TNIP3: variants seen among roughly 807,000 people sequenced by gnomAD.
The protein encoded by TNIP3 is TNFAIP3-interacting protein 3.
A neutral mutation model predicts 54.1 loss-of-function variants in TNIP3; 34 were observed. That is an observed-to-expected ratio of 0.63 (90% CI 0.48 to 0.84). TNIP3 has a LOEUF of 0.84. Ranked by LOEUF, TNIP3 falls within the 40% of genes least tolerant of loss-of-function variation. The pLI is 0.00. For synonymous variants in TNIP3, 134 were observed against 136.8 expected (o/e 0.98, Z 0.14); for missense variants, 366 against 387.6 (o/e 0.94, Z 0.47).
rs372175748 is a variant in TNIP3, at chr4:121,163,429, A to T, written c.66+631T>A. On this transcript the variant is annotated intron_variant, in intron 1 of 10. Coordinates refer to ENST00000057513, the MANE Select transcript of TNIP3 (RefSeq NM_024873.6). The stretch of plus-strand genomic sequence containing the variant: ...TGATTCTAGCAAGGGCTGCTTACGG[A>T]ACAGTTATTCCCTATACATAATTTC... 1.2e-4 allele frequency among the ~76,000 whole-genome samples: 18 copies of T among 152,316 alleles called. No homozygotes were observed. The East Asian group carries it at 3.1e-3, about 26-fold the overall frequency.
chr4:121,221,422 C>A (rs1311075152), upstream of TNIP3, among the ~76,000 whole-genome samples: 1 of 152,126 alleles, frequency 6.6e-6, no homozygotes, highest in Non-Finnish European at 1.5e-5. Context: ...CCTAAATTTA[C>A]AAGCACAAAG....
chr4:121,206,376 C>A (rs989541693), intron 2 of TNIP3, among the ~76,000 whole-genome samples: 1 of 152,046 alleles, frequency 6.6e-6, no homozygotes, highest in African/African-American at 2.4e-5. Flanking sequence ...GCTGTTATTC[C>A]CTGATCCTCG....
chr4:121,169,902 T>C (rs1310043097), intron 3 of TNIP3, among the ~76,000 whole-genome samples: 1 of 152,250 alleles, frequency 6.6e-6, no homozygotes, highest in African/African-American at 2.4e-5. Context: ...GTCTTGATTA[T>C]ATACTTTTAG....
chr4:121,216,812 C>T (rs965936652), upstream of TNIP3, among the ~76,000 whole-genome samples: 23 of 152,124 alleles, frequency 1.5e-4, no homozygotes, highest in South Asian at 2.1e-4. Context: ...ATACATAGAG[C>T]ATGAACGGTT....
chr4:121,217,794 T>C (rs1050222800), upstream of TNIP3, among the ~76,000 whole-genome samples: 1 of 152,226 alleles, frequency 6.6e-6, no homozygotes, highest in Non-Finnish European at 1.5e-5. Context: ...TTTTAAAATG[T>C]CTTATATTCT....
chr4:121,154,392 C>T lies in TNIP3; in HGVS notation c.492+159G>A, dbSNP rs575632584. The T allele has an allele frequency of 2.5e-5, 23 of 923,372 alleles. No individual in the cohort carries two copies. In the African/African-American group the frequency reaches 3.7e-4, roughly 15 times the overall value. 57.2% of individuals were successfully genotyped at this position (923,372 alleles called of 1,614,324 possible). A position where few individuals can be genotyped will look rare whatever the true frequency, so the allele number is the denominator to read the frequency against. ...CTCCTTAGCCAAGTATGACTGAAAGCTGCAGCTAGGAGTGATTTATAAAAT... is the reference window on the plus strand; with the variant it reads ...CTCCTTAGCCAAGTATGACTGAAAGTTGCAGCTAGGAGTGATTTATAAAAT... On this transcript the variant is annotated intron_variant, in intron 5 of 10. Coordinates refer to ENST00000057513, the MANE Select transcript of TNIP3 (RefSeq NM_024873.6).
chr4:121,160,572 GTTCTAACA>G (rs1367301563), intron 2 of TNIP3, among the ~76,000 whole-genome samples: 1 of 152,050 alleles, frequency 6.6e-6, no homozygotes, highest in Non-Finnish European at 1.5e-5. Context: ...GAGTAAAGAG[GTTCTAACA>G]TTCATTAAGC....
In TNIP3 at chr4:121,161,176, A is replaced by G. The variant is rs764141861; in HGVS notation, c.107T>C (p.Leu36Pro). 1.3e-6 allele frequency: 2 copies of G among 1,588,508 alleles called. No homozygotes were observed. The highest frequency in any genetic ancestry group is 1.7e-4 in the Middle Eastern group (1 of 6,028). The change falls in exon 2 of 11, where the codon CTT becomes CCT. Residue 36 changes from leucine (L) to proline (P), a missense_variant. Leu to Pro is a moderately conservative substitution (Grantham distance 98). Coordinates refer to ENST00000057513, the MANE Select transcript of TNIP3 (RefSeq NM_024873.6). Reference sequence around the variant, plus strand: ...TTCCAAACACCTTATCTTTTGTTCAAGAGAATTCATCAAGTTCTTTCTTGT... The same window carrying G: ...TTCCAAACACCTTATCTTTTGTTCAGGAGAATTCATCAAGTTCTTTCTTGT... ...PSTRKNLMNS[L>P]EQKIRCLEKQ...
intron 1 of TNIP3, among the ~76,000 whole-genome samples, chr4:121,224,046 T>C (rs1227898205): frequency 6.6e-6 from 1 of 152,140 alleles, no homozygotes; most frequent in Non-Finnish European, 1.5e-5. Flanking sequence ...TAATGAATAA[T>C]AATGAATGAT....
At chr4:121,143,772 G>A (rs192229335) in intron 7 of TNIP3, among the ~76,000 whole-genome samples, 91 of 152,238 alleles carry the variant, frequency 6.0e-4, no homozygotes, top group African/African-American at 2.0e-3. Flanking sequence ...AATATGTATT[G>A]TTGATTAACT....
At chr4:121,178,840 A>G (rs945432132) in intron 3 of TNIP3, among the ~76,000 whole-genome samples, 1 of 152,170 alleles carries the variant, frequency 6.6e-6, no homozygotes, top group African/African-American at 2.4e-5. Context: ...TTATACCTTC[A>G]TGGAACACTT....
intron 2 of TNIP3, among the ~76,000 whole-genome samples, chr4:121,200,606 A>G (rs1410433343): frequency 2.0e-5 from 3 of 150,808 alleles, no homozygotes; most frequent in Non-Finnish European, 1.5e-5. Context: ...GTCTTTTCCT[A>G]TGATAGAACA....
chr4:121,216,565 G>C lies in TNIP3; in HGVS notation c.-19+21C>G. 2.0e-6 allele frequency: 3 copies of C among 1,522,232 alleles called. No homozygotes were observed. In the Middle Eastern group the frequency reaches 5.1e-4, roughly 259 times the overall value. 94.3% of individuals were successfully genotyped at this position (1,522,232 alleles called of 1,614,324 possible). ...ACGTCAAGGGAAGTTAACTATGTCAGTCACCAAAGGAGAAAACCACCTGTT... is the reference window on the plus strand; with the variant it reads ...ACGTCAAGGGAAGTTAACTATGTCACTCACCAAAGGAGAAAACCACCTGTT... On this transcript the variant is annotated intron_variant, in intron 1 of 12. Transcript: ENST00000507879.
intron 2 of TNIP3, among the ~76,000 whole-genome samples, chr4:121,204,849 A>G (rs193249216): frequency 6.6e-6 from 1 of 152,308 alleles, no homozygotes; most frequent in East Asian, 1.9e-4. Flanking sequence ...TTATTTTCCT[A>G]CAACTGAAGT....
At chr4:121,176,345 A>T (rs1724333374) in intron 3 of TNIP3, among the ~76,000 whole-genome samples, 1 of 152,156 alleles carries the variant, frequency 6.6e-6, no homozygotes, top group Non-Finnish European at 1.5e-5. Context: ...AGCTAAACAG[A>T]TCCTCACACA....
At chr4:121,186,716 A>C (rs17051311) in intron 2 of TNIP3, among the ~76,000 whole-genome samples, 3,825 of 152,294 alleles carry the variant, frequency 0.025, 160 homozygotes, top group African/African-American at 0.086. Context: ...GGTGTGGAAT[A>C]GTTACCAAAC....
chr4:121,167,395 G>A (rs1239002027), upstream of TNIP3, among the ~76,000 whole-genome samples: 1 of 152,142 alleles, frequency 6.6e-6, no homozygotes, highest in Non-Finnish European at 1.5e-5. Flanking sequence ...GAAAGAGTCA[G>A]AGTTTCTGCT....
intron 2 of TNIP3, among the ~76,000 whole-genome samples, chr4:121,188,488 C>T (rs971393289): frequency 6.6e-6 from 1 of 152,052 alleles, no homozygotes; most frequent in Non-Finnish European, 1.5e-5. Context: ...CAAAGGTCTC[C>T]AGTACAGAAG....
rs1048344786 is a variant in TNIP3 at position 121,137,903 on chromosome 4, T to C, written c.946+721A>G. On this transcript the variant is annotated intron_variant, in intron 10 of 10. Transcript: ENST00000057513. Reference sequence around the variant, plus strand: ...AGCAGACATTTCTAACTTTTGATTATGTATACTTGATGAGAATAGAAGTGG... The same window carrying C: ...AGCAGACATTTCTAACTTTTGATTACGTATACTTGATGAGAATAGAAGTGG... The C allele has an allele frequency of 8.8e-6, 4 of 455,306 alleles. No homozygotes were observed. The Admixed American group carries it at 9.4e-5, about 11-fold the overall frequency. The allele number at this position is 455,306 out of a possible 1,614,324, so 28.2% of individuals were successfully genotyped here.
Sources: allele counts gnomAD v4.1 joint callset (sites outside exome capture counted in the v4.1 genomes callset), GRCh38; gene constraint gnomAD v4.1.1; transcripts MANE v1.5; gene names NCBI Gene and HGNC (gene_info 2026-07-23, HGNC 2026-07-21).